SUZ12: variants seen among roughly 807,000 people sequenced by gnomAD.
SUZ12 encodes the protein SUZ12 polycomb repressive complex 2 subunit, also known as polycomb protein SUZ12.
A neutral mutation model predicts 87.3 loss-of-function variants in SUZ12; 17 were observed. The ratio of observed to expected loss-of-function variants is 0.19; its 90% CI spans 0.13 to 0.29. SUZ12 has a LOEUF of 0.29. Among genes scored for constraint, SUZ12 ranks in the 10% least tolerant of loss-of-function variants. The pLI, the probability that SUZ12 is intolerant of heterozygous loss-of-function variation, is 1.00. For missense variants in SUZ12, 526 were observed against 912.2 expected (o/e 0.58, Z 5.45); for synonymous variants, 253 against 312.4 (o/e 0.81, Z 2.01).
intron 13 of SUZ12, among the ~76,000 whole-genome samples, 184 bp from the exon 14 acceptor site, chr17:31,995,380 G>A (rs888182979): frequency 6.6e-5 from 10 of 152,152 alleles, no homozygotes; most frequent in African/African-American, 2.4e-4. Context: ...ATATGTAATA[G>A]GTTTGATTTA....
intron 4 of SUZ12, among the ~76,000 whole-genome samples, chr17:31,952,602 G>A (rs766896785): frequency 7.2e-5 from 11 of 151,940 alleles, no homozygotes; most frequent in Non-Finnish European, 1.5e-4. Flanking sequence ...TGGCTTTGTC[G>A]CTCAGGCTGG....
chr17:31,937,408 C>A lies in SUZ12; in HGVS notation c.162C>A (p.Ala54=), dbSNP rs1305531461. 4 of 1,505,728 alleles carry A rather than the reference C, an allele frequency of 2.7e-6. No individual in the cohort carries two copies. Among genetic ancestry groups the A allele is most frequent in the African/African-American group, 1.4e-5 (1 of 70,536 alleles). The allele number at this position is 1,505,728 out of a possible 1,614,324, so 93.3% of individuals were successfully genotyped here. A position where few individuals can be genotyped will look rare whatever the true frequency, so the allele number is the denominator to read the frequency against. ...GTGGAGGGGGTGGCAGTTACTCGGC[C>A]TCCTCCTCCTCCTCCGCGGCGGCAG... is the stretch of plus-strand genomic sequence containing the variant. ...GSCGGGGSYS[A]SSSSSAAAAA... Residue 54 remains alanine, a synonymous_variant, in exon 1 of 16, where the codon GCC becomes GCA. Coordinates refer to ENST00000322652, the MANE Select transcript of SUZ12 (RefSeq NM_015355.4).
chr17:31,957,766 G>A (rs1267799481), intron 4 of SUZ12, among the ~76,000 whole-genome samples: 4 of 151,338 alleles, frequency 2.6e-5, no homozygotes, highest in South Asian at 4.2e-4. Context: ...GGCTGGCCTC[G>A]AATTCTTGAC....
At chr17:31,997,769 T>C (rs1910058536) in intron 15 of SUZ12, among the ~76,000 whole-genome samples, 1 of 151,926 alleles carries the variant, frequency 6.6e-6, no homozygotes, top group Non-Finnish European at 1.5e-5. Context: ...CCAATTTTCA[T>C]GCCTTTTAGT....
chr17:31,964,675 A>G (rs982029996), intron 4 of SUZ12, among the ~76,000 whole-genome samples: 3 of 152,166 alleles, frequency 2.0e-5, no homozygotes, highest in African/African-American at 7.2e-5. Context: ...AAGTGCCAGG[A>G]TTACAGACGT....
chr17:31,992,061 A>G (rs896968483), intron 10 of SUZ12, among the ~76,000 whole-genome samples: 2 of 151,754 alleles, frequency 1.3e-5, no homozygotes, highest in African/African-American at 4.8e-5. Context: ...GGAGGCCGAG[A>G]TGAGCAGATT....
chr17:31,975,619 T>C lies in SUZ12; in HGVS notation c.729T>C (p.His243=). 1 of 1,614,010 alleles carries C rather than the reference T, an allele frequency of 6.2e-7. No individual in the cohort carries two copies. Among genetic ancestry groups the C allele is most frequent in the Non-Finnish European group, 8.5e-7 (1 of 1,179,936 alleles). The change falls in exon 7 of 16, where the codon CAT becomes CAC. Residue 243 remains histidine, a synonymous_variant. Transcript: ENST00000322652. ...SSNEFEPSNS[H]MVKSYSLLFR... ...ATGAATTTGAACCTAGTAACAGCCA[T>C]ATGGTGAAGTCTTACTCGTTGCTAT...
chr17:31,975,763 T>C, intron 7 of SUZ12, 50 bp downstream of exon 7: 1 of 1,396,674 alleles, frequency 7.2e-7, no homozygotes, highest in Non-Finnish European at 9.9e-7. Context: ...AGATGGTCAT[T>C]GAAAATGATT....
In SUZ12 at chr17:31,947,637, A is replaced by G; in HGVS notation, c.407A>G (p.Asp136Gly). ...TCCAGGAAAACATTTAAAGTTGATG[A>G]TATGTTATCAAAAGTAGAGAAAATG... ...NIKRKTFKVDDMLSKVEKMKG... is the reference protein window; with the variant it reads ...NIKRKTFKVDGMLSKVEKMKG... The change falls in exon 4 of 16, where the codon GAT (aspartate) becomes GGT (glycine). Residue 136 changes from aspartate (D) to glycine (G), a missense_variant. By Grantham distance (94) the Asp-to-Gly change is moderately conservative (BLOSUM62 -1). This residue lies in a region of SUZ12 where 49 missense variants were observed against 73.2 expected (regional missense o/e 0.67). Coordinates refer to ENST00000322652, the MANE Select transcript of SUZ12 (RefSeq NM_015355.4). 6.2e-7 allele frequency: 1 copy of G among 1,602,526 alleles called. No homozygotes were observed. The highest frequency in any genetic ancestry group is 1.1e-5 in the South Asian group (1 of 89,870).
intron 4 of SUZ12, among the ~76,000 whole-genome samples, chr17:31,951,335 C>T (rs1308158828): frequency 1.3e-5 from 2 of 152,120 alleles, no homozygotes; most frequent in East Asian, 3.8e-4. Flanking sequence ...ATAAACTAAA[C>T]CAAGATATGA....
At position 31,998,948 on chromosome 17, in the gene SUZ12, T is replaced by G. The variant is rs1910121487; in HGVS notation, c.2165T>G (p.Leu722Trp). 6.2e-7 allele frequency: 1 copy of G among 1,606,620 alleles called. No individual in the cohort carries two copies. The highest frequency in any genetic ancestry group is 8.5e-7 in the Non-Finnish European group (1 of 1,177,954). The change falls in exon 16 of 16, where the codon TTG becomes TGG. Residue 722 changes from leucine to tryptophan, a missense_variant. By Grantham distance (61) the Leu-to-Trp change is moderately conservative. Coordinates refer to ENST00000322652, the MANE Select transcript of SUZ12 (RefSeq NM_015355.4). The stretch of plus-strand genomic sequence containing the variant: ...GAAATTAACTCAAAAGAGAAAGCTT[T>G]GGAAACAGATAGTGTCTCAGGGGTT... ...FSEINSKEKA[L>W]ETDSVSGVSK...
chr17:31,941,837 C>T (rs1372633249), intron 3 of SUZ12, among the ~76,000 whole-genome samples: 3 of 151,522 alleles, frequency 2.0e-5, no homozygotes, highest in Non-Finnish European at 4.4e-5. Context: ...GAGTGAGCCA[C>T]CATGCCCAGC....
intron 4 of SUZ12, among the ~76,000 whole-genome samples, chr17:31,954,532 A>G (rs1346269521): frequency 6.6e-6 from 1 of 152,144 alleles, no homozygotes; most frequent in Non-Finnish European, 1.5e-5. Context: ...GCCCTCGGGT[A>G]TATAAGGGTG....
intron 1 of SUZ12, among the ~76,000 whole-genome samples, chr17:31,938,756 C>G (rs1363762593): frequency 6.6e-6 from 1 of 152,124 alleles, no homozygotes. Context: ...TAAAATAAAA[C>G]CAATTGAAGA....
chr17:31,951,576 G>A (rs892236192), intron 4 of SUZ12, among the ~76,000 whole-genome samples: 10 of 148,922 alleles, frequency 6.7e-5, no homozygotes, highest in Non-Finnish European at 1.2e-4. Flanking sequence ...TCCGCCTCCC[G>A]GGTTCACGCC....
chr17:31,979,103 CAA>C (rs61307349), intron 8 of SUZ12, among the ~76,000 whole-genome samples: 11 of 65,260 alleles, frequency 1.7e-4, no homozygotes, highest in East Asian at 5.7e-4. Flanking sequence ...ACTGTGTCTC[CAA>C]AAAAAAAAAA....
chr17:31,957,482 G>C (rs1202005128), intron 4 of SUZ12, among the ~76,000 whole-genome samples: 1 of 151,886 alleles, frequency 6.6e-6, no homozygotes, highest in Admixed American at 6.6e-5. Context: ...CGTGATCTTG[G>C]CTCACTGCAA....
chr17:31,980,543 G>A (rs980530873), intron 8 of SUZ12, among the ~76,000 whole-genome samples: 2 of 141,656 alleles, frequency 1.4e-5, no homozygotes, highest in African/African-American at 2.6e-5. Flanking sequence ...TCTGCCTCCC[G>A]GGTTCAAGCG....
At chr17:31,993,397 TG>T in intron 11 of SUZ12, 64 bp downstream of exon 11, 1 of 1,084,798 alleles carries the variant, frequency 9.2e-7, no homozygotes, top group Non-Finnish European at 1.3e-6. Context: ...ATGTCAAACA[TG>T]AAAATTTTTT....
Sources: allele counts gnomAD v4.1 joint callset (sites outside exome capture counted in the v4.1 genomes callset), GRCh38; gene constraint gnomAD v4.1.1; regional missense constraint gnomAD v4.1.1; transcripts MANE v1.5; gene names NCBI Gene and HGNC (gene_info 2026-07-23, HGNC 2026-07-21).